The following GRIN2A variants were observed in gnomAD, a reference collection of about 807,000 sequenced individuals.
GRIN2A encodes the protein glutamate receptor ionotropic, NMDA 2A.
In GRIN2A, 22 loss-of-function variants were observed where a neutral mutation model predicts 113.4. The observed-to-expected ratio is 0.19, with a 90% confidence interval of 0.14 to 0.28. The LOEUF is 0.28. GRIN2A is among the 10% of genes least tolerant of loss of function. The pLI is 1.00. For missense variants in GRIN2A, 1,502 were observed against 1,887.0 expected, an observed-to-expected ratio of 0.80 and a Z score of 3.78; for synonymous variants, 827 against 738.4, an observed-to-expected ratio of 1.12 and a Z score of -1.94.
chr16:10,117,466 A>G (rs1234802418), intron 2 of GRIN2A, among the ~76,000 whole-genome samples: 2 of 152,212 alleles, frequency 1.3e-5, no homozygotes, highest in Non-Finnish European at 2.9e-5. Context: ...ATCTCTGCTT[A>G]TGATTAGAGT....
chr16:9,873,305 T>C (rs1291185202), intron 4 of GRIN2A, among the ~76,000 whole-genome samples: 1 of 152,162 alleles, frequency 6.6e-6, no homozygotes, highest in Admixed American at 6.5e-5. Context: ...ATACAATCTA[T>C]GCATGTAACA....
At position 10,180,567 on chromosome 16, in the gene GRIN2A, T is replaced by G; in HGVS notation, c.-18-138A>C. Reference sequence around the variant, plus strand: ...TAGGCTGCTGGGATCACGGACTCCATTCCGAGTCCCCGACGCCATCCACAT... The same window carrying G: ...TAGGCTGCTGGGATCACGGACTCCAGTCCGAGTCCCCGACGCCATCCACAT... On this transcript the variant is annotated intron_variant, in intron 1 of 12. Transcript: ENST00000330684. The surrounding 1 kb of genome is among the most constrained non-coding windows in gnomAD (Gnocchi z 7.0). 2 of 1,455,862 alleles carry G rather than the reference T, an allele frequency of 1.4e-6. No homozygotes were observed. The highest frequency in any genetic ancestry group is 1.8e-6 in the Non-Finnish European group (2 of 1,098,492). The allele number at this position is 1,455,862 out of a possible 1,614,324, so 90.2% of individuals were successfully genotyped here. A position where few individuals can be genotyped will look rare whatever the true frequency, so the allele number is the denominator to read the frequency against.
At position 9,938,544 on chromosome 16, in the gene GRIN2A, G is replaced by C; in HGVS notation, c.422C>G (p.Thr141Arg). 6.2e-7 allele frequency: 1 copy of C among 1,603,088 alleles called. No homozygotes were observed. Among genetic ancestry groups the C allele is most frequent in the Non-Finnish European group, 8.5e-7 (1 of 1,179,424 alleles). The part of the protein sequence containing the change: ...ASMIMADKDP[T>R]STFFQFGASI... ...CGCTCCAAACTGGAAGAAGGTAGAC[G>C]TCGGATCCTGCCAGTGAAAAGAAAG... The change falls in exon 3 of 13, where the codon ACG (threonine) becomes AGG (arginine). Residue 141 changes from threonine (T) to arginine (R), a missense_variant. Around this residue, in one of 7 missense-constraint regions of GRIN2A, gnomAD observed 334 missense variants for 403.0 expected, o/e 0.83. Coordinates refer to ENST00000330684, the MANE Select transcript of GRIN2A (RefSeq NM_001134407.3).
intron 2 of GRIN2A, among the ~76,000 whole-genome samples, chr16:10,001,103 G>A (rs1407492886): frequency 2.0e-5 from 3 of 152,152 alleles, no homozygotes; most frequent in African/African-American, 4.8e-5. Flanking sequence ...CAATTGTCCT[G>A]GGCAAGTTAC....
intron 2 of GRIN2A, among the ~76,000 whole-genome samples, chr16:10,004,070 C>T (rs981888294): frequency 1.3e-5 from 2 of 152,034 alleles, no homozygotes; most frequent in Admixed American, 6.6e-5. Flanking sequence ...GAAAGTTTCA[C>T]GGAGAGGGTT....
At chr16:9,823,226 C>G (rs1428820978) in intron 9 of GRIN2A, among the ~76,000 whole-genome samples, 2 of 152,136 alleles carry the variant, frequency 1.3e-5, no homozygotes, top group African/African-American at 4.8e-5. Context: ...ATCAATAGAA[C>G]TGGATCTGAG....
intron 2 of GRIN2A, among the ~76,000 whole-genome samples, chr16:10,041,612 C>A (rs1440847235): frequency 6.6e-6 from 1 of 152,126 alleles, no homozygotes; most frequent in Admixed American, 6.5e-5. Flanking sequence ...CTTGTTTCTT[C>A]ATCTGTAAAA....
chr16:10,153,157 A>G (rs1343727281), intron 2 of GRIN2A, among the ~76,000 whole-genome samples: 1 of 152,168 alleles, frequency 6.6e-6, no homozygotes, highest in Non-Finnish European at 1.5e-5. Context: ...AGTTGGTACT[A>G]TTCTGGTGGG....
chr16:9,897,606 G>A (rs1159307991), intron 3 of GRIN2A, among the ~76,000 whole-genome samples: 1 of 152,066 alleles, frequency 6.6e-6, no homozygotes, highest in African/African-American at 2.4e-5. Context: ...AGAGTAAAAG[G>A]TCTCATAAAT....
chr16:9,898,515 C>T (rs1192045092), intron 3 of GRIN2A, among the ~76,000 whole-genome samples: 3 of 152,184 alleles, frequency 2.0e-5, no homozygotes, highest in African/African-American at 7.2e-5. Flanking sequence ...TTATTATTCA[C>T]TATTTCCCCC....
chr16:9,819,017 G>A (rs1157564580), intron 10 of GRIN2A, among the ~76,000 whole-genome samples: 2 of 152,072 alleles, frequency 1.3e-5, no homozygotes, highest in Non-Finnish European at 2.9e-5. Context: ...CATAATGAAA[G>A]ATTATGACTC....
At chr16:10,099,895 T>C (rs1182571182) in intron 2 of GRIN2A, among the ~76,000 whole-genome samples, 3 of 152,256 alleles carry the variant, frequency 2.0e-5, no homozygotes, top group Non-Finnish European at 2.9e-5. Flanking sequence ...ACAGTGAAGA[T>C]GGATAATTCT....
chr16:10,020,687 T>C (rs190831168), intron 2 of GRIN2A, among the ~76,000 whole-genome samples: 6 of 152,306 alleles, frequency 3.9e-5, no homozygotes, highest in Non-Finnish European at 5.9e-5. Context: ...ATAATCATGG[T>C]GCCACCTATG....
chr16:10,134,440 AC>A (rs1204143755), intron 2 of GRIN2A, among the ~76,000 whole-genome samples: 5 of 148,902 alleles, frequency 3.4e-5, no homozygotes, highest in African/African-American at 1.0e-4. Flanking sequence ...GAACACTTGG[AC>A]AGAAGGCGGG....
At chr16:10,089,241 G>A (rs553873706) in intron 2 of GRIN2A, among the ~76,000 whole-genome samples, 4 of 152,248 alleles carry the variant, frequency 2.6e-5, no homozygotes, top group South Asian at 4.2e-4. Flanking sequence ...GATGATCCCC[G>A]AGGAGAAATA....
At chr16:10,093,820 A>G (rs1370761069) in intron 2 of GRIN2A, among the ~76,000 whole-genome samples, 1 of 152,132 alleles carries the variant, frequency 6.6e-6, no homozygotes, top group Non-Finnish European at 1.5e-5. Context: ...GAGACGTGCC[A>G]GTGTGCCGGT....
rs780909404 is a variant in GRIN2A, at chr16:9,763,836, G to A, written c.3708C>T (p.Cys1236=). The A allele has an allele frequency of 5.6e-6, 9 of 1,613,984 alleles. No individual in the cohort carries two copies. The highest frequency in any genetic ancestry group is 2.2e-5 in the South Asian group (2 of 91,080). Residue 1236 remains cysteine, a synonymous_variant, in exon 13 of 13, where the codon TGC becomes TGT. Transcript: ENST00000330684. ...GHFTMRSPFK[C]DACLRMGNLY... ...GGTTCCCCATCCGCAGGCAGGCATC[G>A]CACTTGAAGGGGGACCTCATGGTGA... is the stretch of plus-strand genomic sequence containing the variant.
chr16:10,011,281 G>C (rs985809184), intron 2 of GRIN2A, among the ~76,000 whole-genome samples: 1 of 152,200 alleles, frequency 6.6e-6, no homozygotes, highest in Non-Finnish European at 1.5e-5. Flanking sequence ...TTGGAGATAA[G>C]TGGAGACAAG....
intron 3 of GRIN2A, among the ~76,000 whole-genome samples, chr16:9,907,684 A>G (rs116257058): frequency 1.3e-3 from 194 of 152,330 alleles, no homozygotes; most frequent in African/African-American, 4.5e-3. Context: ...AGTCTCATTT[A>G]AATACAAAGA....
Sources: allele counts gnomAD v4.1 joint callset (sites outside exome capture counted in the v4.1 genomes callset), GRCh38; gene constraint gnomAD v4.1.1; regional missense constraint gnomAD v4.1.1; non-coding constraint Gnocchi (gnomAD v3.1); transcripts MANE v1.5; gene names NCBI Gene and HGNC (gene_info 2026-07-23, HGNC 2026-07-21).